The following CHAT variants were observed in gnomAD, a reference collection of about 807,000 sequenced individuals.
CHAT encodes choline O-acetyltransferase, also known as acetyl CoA:choline O-acetyltransferase.
In CHAT, 61 loss-of-function variants were observed where a neutral mutation model predicts 76.9. The observed-to-expected ratio is 0.79, with a 90% CI of 0.65 to 0.98. The LOEUF (loss-of-function observed/expected upper bound fraction) is 0.98, where lower values mean the gene tolerates loss of function less well. Among genes scored for constraint, CHAT ranks in the 50% least tolerant of loss-of-function variants. The pLI is 0.00. For missense variants in CHAT, 946 were observed against 986.9 expected (o/e 0.96, Z 0.56); for synonymous variants, 407 against 397.4 (o/e 1.02, Z -0.29).
chr10:49,616,456 G>A (rs766149917), intron 1 of CHAT, 46 bp from the exon 2 acceptor site: 6 of 1,434,240 alleles, frequency 4.2e-6, no homozygotes, highest in Non-Finnish European at 4.9e-6. Context: ...TTTGTGACAG[G>A]CCTATGTGGC....
intron 11 of CHAT, among the ~76,000 whole-genome samples, chr10:49,653,613 T>G (rs1839946832): frequency 6.6e-6 from 1 of 152,210 alleles, no homozygotes; most frequent in Non-Finnish European, 1.5e-5. Flanking sequence ...TCCGGACACC[T>G]TGGGGAAGGC....
In CHAT at chr10:49,616,576, G is replaced by A; in HGVS notation, c.361G>A (p.Ala121Thr). 6.2e-7 allele frequency: 1 copy of A among 1,611,880 alleles called. No individual in the cohort carries two copies. Among genetic ancestry groups the A allele is most frequent in the Non-Finnish European group, 8.5e-7 (1 of 1,178,704 alleles). The change falls in exon 2 of 15, where the codon GCA (alanine) becomes ACA (threonine). Residue 121 changes from alanine to threonine, a missense_variant. By Grantham distance (58) the Ala-to-Thr change is moderately conservative. Around this residue, in one of 3 missense-constraint regions of CHAT, gnomAD observed 548 missense variants for 516.2 expected, o/e 1.06. Transcript: ENST00000337653. Reference protein sequence around the residue: ...ILEKVPRKMAAKTPSSEESGL... With the variant: ...ILEKVPRKMATKTPSSEESGL... ...GGAAAAGGTCCCCCGTAAGATGGCAGCAAAAACTCCCAGCAGTGAGGAGTC... is the reference window on the plus strand; with the variant it reads ...GGAAAAGGTCCCCCGTAAGATGGCAACAAAAACTCCCAGCAGTGAGGAGTC...
At chr10:49,620,462 G>A (rs758501116) in intron 3 of CHAT, 33 bp from the exon 4 acceptor site, 16 of 1,435,262 alleles carry the variant, frequency 1.1e-5, no homozygotes, top group Middle Eastern at 1.7e-4. Context: ...CTGTTTGGGG[G>A]GATGTGACGG....
In CHAT at chr10:49,616,542, G is replaced by A. The variant is rs79914771; in HGVS notation, c.327G>A (p.Thr109=). The change falls in exon 2 of 15, where the codon ACG becomes ACA. Residue 109 remains threonine (T), a synonymous_variant. Coordinates refer to ENST00000337653, the MANE Select transcript of CHAT (RefSeq NM_020549.5). ...TCCCTGCACCAGGACTCACCAAGAC[G>A]CCCATCCTGGAAAAGGTCCCCCGTA... ...LCIPAPGLTK[T]PILEKVPRKM... is the part of the protein sequence containing the mutation. 1,755 of 1,613,168 alleles carry A rather than the reference G, an allele frequency of 1.1e-3. 9 individuals are homozygous for A. The highest frequency in any genetic ancestry group is 5.6e-3 in the South Asian group (508 of 90,850).
rs1474520101 is a variant in CHAT at position 49,649,378 on chromosome 10, G to A, written c.1383-130G>A. The A allele has an allele frequency of 3.0e-6, 4 of 1,318,088 alleles. No homozygotes were observed. The African/African-American group carries it at 4.4e-5, about 14-fold the overall frequency. 81.6% of individuals were successfully genotyped at this position (1,318,088 alleles called of 1,614,324 possible). A position where few individuals can be genotyped will look rare whatever the true frequency, so the allele number is the denominator to read the frequency against. On this transcript the variant is annotated intron_variant, in intron 9 of 14. Coordinates refer to ENST00000337653, the MANE Select transcript of CHAT (RefSeq NM_020549.5). The stretch of plus-strand genomic sequence containing the variant: ...TATTCATCTGCACGGTGGTTCAGGG[G>A]CAGCTCGTACCCCCTGAAACTCCAT...
At chr10:49,649,438 G>T in intron 9 of CHAT, 70 bp from the exon 10 acceptor site, 4 of 1,609,762 alleles carry the variant, frequency 2.5e-6, no homozygotes, top group South Asian at 1.1e-5. Flanking sequence ...TGATTGCACA[G>T]AGCAAAGAAG....
rs10580502 is a variant in CHAT at position 49,648,726 on chromosome 10, TACAC to T, written c.1382+148_1382+151del. 92,412 of 504,662 alleles carry T rather than the reference TACAC, an allele frequency of 0.18. 11 individuals are homozygous for T. The highest frequency in any genetic ancestry group is 0.26 in the South Asian group (10,613 of 41,538). The allele number at this position is 504,662 out of a possible 1,614,324, so 31.3% of individuals were successfully genotyped here. The stretch of plus-strand genomic sequence containing the variant: ...ATGAATTTGAAAAAAATGTGTACTA[TACAC>T]ACACACACACACACACACACACACA... On this transcript the variant is annotated intron_variant, in intron 9 of 14. Transcript: ENST00000337653.
intron 7 of CHAT, among the ~76,000 whole-genome samples, chr10:49,643,869 A>AC (rs1437751062): frequency 2.0e-5 from 3 of 152,146 alleles, no homozygotes; most frequent in South Asian, 2.1e-4. Context: ...CCCAGGCCCC[A>AC]CCCTCAGTGA....
chr10:49,662,611 T>G lies in CHAT; in HGVS notation c.1840-34T>G, dbSNP rs1840227448. 3 of 1,613,350 alleles carry G rather than the reference T, an allele frequency of 1.9e-6. No homozygotes were observed. In the African/African-American group the frequency reaches 4.0e-5, roughly 22 times the overall value. ...AACAAGGAGGTGCAGGAGGCCCACT[T>G]CTCATCTCCTGTTCTTTGTCCCCAA... On this transcript the variant is annotated intron_variant, in intron 13 of 14. Coordinates refer to ENST00000337653, the MANE Select transcript of CHAT (RefSeq NM_020549.5).
chr10:49,647,432 T>C (rs1272790965), intron 8 of CHAT, among the ~76,000 whole-genome samples: 1 of 152,222 alleles, frequency 6.6e-6, no homozygotes, highest in South Asian at 2.1e-4. Flanking sequence ...CCATGTAGTA[T>C]AAAACAGCAG....
chr10:49,632,615 A>C (rs2377875), intron 7 of CHAT, among the ~76,000 whole-genome samples: 147,543 of 152,180 alleles, frequency 0.97, 71,556 homozygotes, highest in East Asian at 1. Context: ...GACCAAGGAG[A>C]CTGCGCTCAG....
At chr10:49,611,841 C>T (rs2132688096), upstream of CHAT, 1 of 1,604,530 alleles carries the variant, frequency 6.2e-7, no homozygotes, top group Non-Finnish European at 8.5e-7. Context: ...TGGCTGTGAT[C>T]GGCGCCAGCT....
At chr10:49,651,626 A>G (rs1287640428) in intron 10 of CHAT, 3 of 473,950 alleles carry the variant, frequency 6.3e-6, no homozygotes, top group East Asian at 8.2e-5. Flanking sequence ...CTCCCCACCC[A>G]CTCTCCAGAG....
At chr10:49,663,499 C>A (rs2132855123) in intron 14 of CHAT, among the ~76,000 whole-genome samples, 1 of 152,262 alleles carries the variant, frequency 6.6e-6, no homozygotes, top group South Asian at 2.1e-4. Flanking sequence ...CTAAATAGGT[C>A]ACAGATATTA....
upstream of CHAT, among the ~76,000 whole-genome samples, chr10:49,610,032 G>A (rs1237265657): frequency 6.6e-6 from 1 of 151,240 alleles, no homozygotes; most frequent in Non-Finnish European, 1.5e-5. Flanking sequence ...CGGGGGGCAG[G>A]CAGGGGGCGG....
chr10:49,613,115 C>T (rs1838345240), upstream of CHAT: 1 of 152,170 alleles, frequency 6.6e-6, no homozygotes, highest in Non-Finnish European at 1.5e-5. Flanking sequence ...AATCCCGCCC[C>T]GTTGAGGCTT....
At chr10:49,611,817 C>T, upstream of CHAT, 1 of 1,603,688 alleles carries the variant, frequency 6.2e-7, no homozygotes, top group Non-Finnish European at 8.5e-7. Flanking sequence ...AGTGGCTGTA[C>T]GGCGCGCTTG....
chr10:49,614,565 C>T (rs1838412233), intron 1 of CHAT, 90 bp downstream of exon 1: 1 of 1,173,094 alleles, frequency 8.5e-7, no homozygotes, highest in Admixed American at 2.1e-5. Context: ...AGCACCGGGG[C>T]CGAGAGGCCC....
chr10:49,649,419 C>G (rs2054158106), intron 9 of CHAT, 89 bp from the exon 10 acceptor site: 1 of 1,587,390 alleles, frequency 6.3e-7, no homozygotes, highest in Admixed American at 1.7e-5. Flanking sequence ...CAAACACTGA[C>G]AGCTAAGATG....
Sources: allele counts gnomAD v4.1 joint callset (sites outside exome capture counted in the v4.1 genomes callset), GRCh38; gene constraint gnomAD v4.1.1; regional missense constraint gnomAD v4.1.1; transcripts MANE v1.5; gene names NCBI Gene and HGNC (gene_info 2026-07-23, HGNC 2026-07-21).